The following CFHR1 variants were observed in gnomAD, a reference collection of about 807,000 sequenced individuals.
CFHR1 encodes complement factor H-related protein 1.
A neutral mutation model predicts 30.4 loss-of-function variants in CFHR1; 22 were observed. That is an observed-to-expected ratio of 0.72 (90% CI 0.52 to 1.03). The LOEUF (loss-of-function observed/expected upper bound fraction) is 1.03, where lower values mean the gene tolerates loss of function less well. Among genes scored for constraint, CFHR1 ranks in the 50% least tolerant of loss-of-function variants. The probability of loss-of-function intolerance (pLI) is 0.00; values close to 1 mark genes in which losing one functional copy is unlikely to be tolerated. For synonymous variants in CFHR1, 95 were observed against 129.1 expected, an observed-to-expected ratio of 0.74 and a Z score of 1.79; for missense variants, 248 against 380.6, an observed-to-expected ratio of 0.65 and a Z score of 2.90.
chr1:196,830,624 G>A lies in CFHR1; in HGVS notation c.732G>A (p.Glu244=), dbSNP rs772164061. The change falls in exon 5 of 6, where the codon GAG becomes GAA. Residue 244 remains glutamate (E), a synonymous_variant. Transcript: ENST00000320493. The stretch of plus-strand genomic sequence containing the variant: ...AATGCCAGAACTTGTATCAACTTGA[G>A]GGTAACAAGCGAATAACATGTAGAA... ...EYQCQNLYQL[E]GNKRITCRNG... The A allele has an allele frequency of 6.6e-7, 1 of 1,524,450 alleles. No homozygotes were observed. Among genetic ancestry groups the A allele is most frequent in the South Asian group, 1.2e-5 (1 of 80,220 alleles). 94.4% of individuals were successfully genotyped at this position (1,524,450 alleles called of 1,614,324 possible).
At chr1:196,830,417 T>C in intron 4 of CFHR1, 83 bp from the exon 5 acceptor site, 1 of 1,359,098 alleles carries the variant, frequency 7.4e-7, no homozygotes, top group South Asian at 1.3e-5. Context: ...TTATATAAAG[T>C]GCTGTGTTTG....
chr1:196,823,781 A>C (rs1344573212), intron 1 of CFHR1, among the ~76,000 whole-genome samples: 1 of 135,156 alleles, frequency 7.4e-6, no homozygotes, highest in Non-Finnish European at 1.6e-5. Context: ...TCAAAGATAA[A>C]GCATATCAAA....
intron 1 of CFHR1, among the ~76,000 whole-genome samples, chr1:196,824,626 A>T (rs1431140767): frequency 7.7e-6 from 1 of 130,226 alleles, no homozygotes; most frequent in Non-Finnish European, 1.6e-5. Context: ...CTGTAAAAAT[A>T]GTTGTTATAT....
At position 196,825,463 on chromosome 1, in the gene CFHR1, T is replaced by C. The variant is rs113307454; in HGVS notation, c.59-14T>C. ...CTTATTATGTAATTCTTCAGTTTTA[T>C]GTTATTTTCCCAGCAACATTTTGTG... is the stretch of plus-strand genomic sequence containing the variant. On this transcript the variant is annotated splice_polypyrimidine_tract_variant and intron_variant, in intron 1 of 5. Transcript: ENST00000320493. The C allele has an allele frequency of 1.2e-4, 174 of 1,419,434 alleles. 45 individuals are homozygous for C. The African/African-American group carries it at 2.2e-3, about 18-fold the overall frequency. 87.9% of individuals were successfully genotyped at this position (1,419,434 alleles called of 1,614,324 possible). A position where few individuals can be genotyped will look rare whatever the true frequency, so the allele number is the denominator to read the frequency against.
rs58358440 is a variant in CFHR1, at chr1:196,821,740, A to AGTGT, written c.58+1863_58+1866dup. Among the ~76,000 whole-genome samples, 24 of 69,552 alleles carry AGTGT rather than the reference A, an allele frequency of 3.5e-4. 1 individual carries two copies. The highest frequency in any genetic ancestry group is 1.5e-3 in the African/African-American group (17 of 11,128). The allele number at this position is 69,552 out of a possible 152,430, so 45.6% of individuals were successfully genotyped here. On this transcript the variant is annotated intron_variant, in intron 1 of 5. Transcript: ENST00000320493. ...GGCTATATATAGGTGACTGTGAGTG[A>AGTGT]GTGTGTGTGTGTGTGTGTGTGTGTG... is the stretch of plus-strand genomic sequence containing the variant.
At position 196,830,533 on chromosome 1, in the gene CFHR1, T is replaced by A. The variant is rs771091660; in HGVS notation, c.641T>A (p.Ile214Asn). The part of the protein sequence containing the change: ...STGKCGPPPP[I>N]DNGDITSFPL... ...GGAAAATGTGGGCCCCCTCCACCTA[T>A]TGACAATGGGGACATTACTTCATTC... Residue 214 changes from isoleucine (I) to asparagine (N), a missense_variant, in exon 5 of 6, where the codon ATT becomes AAT. Ile to Asn is a moderately radical substitution (Grantham distance 149). Transcript: ENST00000320493. 26 of 1,525,352 alleles carry A rather than the reference T, an allele frequency of 1.7e-5. 1 individual carries two copies. In the East Asian group the frequency reaches 5.4e-4, roughly 32 times the overall value. The allele number at this position is 1,525,352 out of a possible 1,614,324, so 94.5% of individuals were successfully genotyped here. A position where few individuals can be genotyped will look rare whatever the true frequency, so the allele number is the denominator to read the frequency against.
chr1:196,830,363 T>G, intron 4 of CFHR1, 137 bp from the exon 5 acceptor site: 7 of 981,598 alleles, frequency 7.1e-6, no homozygotes, highest in Non-Finnish European at 1.1e-5. Context: ...TAAAATTTCT[T>G]CCAGGACTCA....
At position 196,823,774 on chromosome 1, in the gene CFHR1, A is replaced by G. The variant is rs182963898; in HGVS notation, c.59-1703A>G. ...ATATCTTGAGCTAAATACGTACTCA[A>G]AGATAAAGCATATCAAACCCATAGA... On this transcript the variant is annotated intron_variant, in intron 1 of 5. Transcript: ENST00000320493. Among the ~76,000 whole-genome samples the G allele has an allele frequency of 1.6e-4, 21 of 135,368 alleles. No individual in the cohort carries two copies. The East Asian group carries it at 4.1e-3, about 27-fold the overall frequency. The allele number at this position is 135,368 out of a possible 152,430, so 88.8% of individuals were successfully genotyped here.
Position 196,832,065 on chromosome 1 carries a change from T to C in CFHR1, c.*66T>C. 1 of 1,399,862 alleles carries C rather than the reference T, an allele frequency of 7.1e-7. No individual in the cohort carries two copies. The highest frequency in any genetic ancestry group is 9.7e-7 in the Non-Finnish European group (1 of 1,026,698). 86.7% of individuals were successfully genotyped at this position (1,399,862 alleles called of 1,614,324 possible). ...ATTAAATCAGTTCTTAATTTCATTT[T>C]TAAGTATTGTTTTACTCCTTTTTAT... is the stretch of plus-strand genomic sequence containing the variant. On this transcript the variant is annotated 3_prime_UTR_variant, in exon 6 of 6. Coordinates refer to ENST00000320493, the MANE Select transcript of CFHR1 (RefSeq NM_002113.3).
In CFHR1 at chr1:196,825,823, C is replaced by T. The variant is rs1655301720; in HGVS notation, c.253+152C>T. On this transcript the variant is annotated intron_variant, in intron 2 of 5. Coordinates refer to ENST00000320493, the MANE Select transcript of CFHR1 (RefSeq NM_002113.3). ...TAGTCCCCCTATTTTGAGATGCCTCCTATAAGAATCAATGAAGAATAAATA... is the reference window on the plus strand; with the variant it reads ...TAGTCCCCCTATTTTGAGATGCCTCTTATAAGAATCAATGAAGAATAAATA... 18 of 696,748 alleles carry T rather than the reference C, an allele frequency of 2.6e-5. 2 individuals carry two copies. 43.2% of individuals were successfully genotyped at this position (696,748 alleles called of 1,614,324 possible).
rs750090708 is a variant in CFHR1 at position 196,828,191 on chromosome 1, G to A, written c.552G>A (p.Gly184=). The A allele has an allele frequency of 8.0e-7, 1 of 1,244,776 alleles. No individual in the cohort carries two copies. The highest frequency in any genetic ancestry group is 1.1e-6 in the Non-Finnish European group (1 of 927,264). The allele number at this position is 1,244,776 out of a possible 1,614,324, so 77.1% of individuals were successfully genotyped here. ...YECRSPYEMF[G]DEEVMCLNGN... is the part of the protein sequence containing the mutation. ...GTAGGAGCCCTTATGAAATGTTTGG[G>A]GATGAAGAAGTGATGTGTTTAAATG... Residue 184 remains glycine (G), a synonymous_variant, in exon 4 of 6, where the codon GGG becomes GGA. Transcript: ENST00000320493.
intron 1 of CFHR1, among the ~76,000 whole-genome samples, chr1:196,822,055 A>G (rs1200303299): frequency 1.5e-5 from 2 of 132,206 alleles, no homozygotes; most frequent in Non-Finnish European, 3.1e-5. Flanking sequence ...TAAAAACGGC[A>G]GACTTGTATA....
chr1:196,828,479 T>G (rs1264513998), intron 4 of CFHR1, among the ~76,000 whole-genome samples: 1 of 133,878 alleles, frequency 7.5e-6, no homozygotes, highest in Non-Finnish European at 1.6e-5. Context: ...ACAATACTTT[T>G]TAAGCATCAC....
In CFHR1 at chr1:196,826,858, G is replaced by A. The variant is rs747793671; in HGVS notation, c.283G>A (p.Gly95Ser). ...GTGTTTCTTTCCTTTTGTGGAAAAT[G>A]GTCATTCTGAATCTTCAGGACAAAC... is the stretch of plus-strand genomic sequence containing the variant. Reference protein sequence around the residue: ...RLCFFPFVENGHSESSGQTHL... With the variant: ...RLCFFPFVENSHSESSGQTHL... Residue 95 changes from glycine (G) to serine (S), a missense_variant, in exon 3 of 6, where the codon GGT (glycine) becomes AGT (serine). Gly to Ser is a moderately conservative substitution (Grantham distance 56). Transcript: ENST00000320493. 2.6e-6 allele frequency: 4 copies of A among 1,524,736 alleles called. No individual in the cohort carries two copies. The highest frequency in any genetic ancestry group is 1.7e-5 in the Admixed American group (1 of 57,970). 94.5% of individuals were successfully genotyped at this position (1,524,736 alleles called of 1,614,324 possible).
intron 1 of CFHR1, among the ~76,000 whole-genome samples, chr1:196,823,665 A>C (rs1263836010): frequency 7.3e-6 from 1 of 136,124 alleles, no homozygotes; most frequent in Non-Finnish European, 1.6e-5. Flanking sequence ...AATAAGGTGA[A>C]AAATAAAATT....
intron 4 of CFHR1, among the ~76,000 whole-genome samples, chr1:196,830,095 T>C (rs1362273948): frequency 7.4e-6 from 1 of 135,620 alleles, no homozygotes; most frequent in Non-Finnish European, 1.6e-5. Context: ...ATCATACTTT[T>C]CCATTTTATA....
chr1:196,830,791 G>A lies in CFHR1; in HGVS notation c.790+109G>A, dbSNP rs1175062449. 2.5e-5 allele frequency: 34 copies of A among 1,369,320 alleles called. 3 individuals carry two copies. The East Asian group carries it at 6.9e-4, about 28-fold the overall frequency. 84.8% of individuals were successfully genotyped at this position (1,369,320 alleles called of 1,614,324 possible). ...TTATTGAACAACCATTCTGCTGAAT[G>A]CCTGCCTACCAAAAATTTCTTTTAG... On this transcript the variant is annotated intron_variant, in intron 5 of 5. Transcript: ENST00000320493.
intron 5 of CFHR1, among the ~76,000 whole-genome samples, chr1:196,831,056 C>T (rs559951132): frequency 7.4e-6 from 1 of 134,976 alleles, no homozygotes; most frequent in Admixed American, 7.1e-5. Context: ...GGCGGGAACC[C>T]GGGAGGCGGA....
rs780765700 is a variant in CFHR1 at position 196,828,104 on chromosome 1, T to G, written c.465T>G (p.Asn155Lys). 78 of 1,360,992 alleles carry G rather than the reference T, an allele frequency of 5.7e-5. 12 individuals are homozygous for G. Among genetic ancestry groups the G allele is most frequent in the South Asian group, 8.3e-5 (6 of 72,268 alleles). 84.3% of individuals were successfully genotyped at this position (1,360,992 alleles called of 1,614,324 possible). The change falls in exon 4 of 6, where the codon AAT becomes AAG. Residue 155 changes from asparagine to lysine, a missense_variant. Transcript: ENST00000320493. ...TSCVNPPTVQ[N>K]AHILSRQMSK... ...GTGTGAATCCGCCCACAGTACAAAA[T>G]GCTCATATACTGTCGAGACAGATGA... is the stretch of plus-strand genomic sequence containing the variant.
Sources: gnomAD v4.1 joint callset for allele counts (sites outside exome capture counted in the v4.1 genomes callset) on GRCh38, gnomAD v4.1.1 for gene constraint, MANE v1.5 for transcripts, NCBI Gene and HGNC (gene_info 2026-07-23, HGNC 2026-07-21) for gene names.